The following LRFN2 variants were observed in gnomAD, a reference collection of about 807,000 sequenced individuals.
LRFN2 encodes the protein leucine-rich repeat and fibronectin type-III domain-containing protein 2.
A neutral mutation model predicts 37.3 loss-of-function variants in LRFN2; 18 were observed. The ratio of observed to expected loss-of-function variants is 0.48; its 90% CI spans 0.33 to 0.72. The LOEUF (loss-of-function observed/expected upper bound fraction) is 0.72, where lower values mean the gene tolerates loss of function less well. Ranked by LOEUF, LRFN2 falls within the 30% of genes least tolerant of loss-of-function variation. LRFN2 has a pLI of 0.02. For missense variants in LRFN2, 1,006 were observed against 1,060.7 expected, an observed-to-expected ratio of 0.95 and a Z score of 0.72; for synonymous variants, 556 against 466.6, an observed-to-expected ratio of 1.19 and a Z score of -2.47.
At chr6:40,532,957 C>G (rs1481851979) in intron 1 of LRFN2, among the ~76,000 whole-genome samples, 1 of 152,170 alleles carries the variant, frequency 6.6e-6, no homozygotes, top group Non-Finnish European at 1.5e-5. Context: ...GGTCAAGTAC[C>G]AAGAAGTGAC....
intron 2 of LRFN2, among the ~76,000 whole-genome samples, chr6:40,408,493 A>G (rs771501621): frequency 2.5e-4 from 38 of 152,154 alleles, no homozygotes; most frequent in Non-Finnish European, 4.6e-4. Context: ...ATGTGCCCCA[A>G]TGGATGAAGA....
chr6:40,429,973 CT>C (rs1347486219), intron 2 of LRFN2, among the ~76,000 whole-genome samples: 1 of 152,166 alleles, frequency 6.6e-6, no homozygotes, highest in Non-Finnish European at 1.5e-5. Context: ...CTCTTATTAA[CT>C]TTGGATGGTG....
intron 1 of LRFN2, among the ~76,000 whole-genome samples, chr6:40,495,045 C>T (rs1765193591): frequency 6.6e-6 from 1 of 152,198 alleles, no homozygotes; most frequent in African/African-American, 2.4e-5. Context: ...ATCTAGAGCC[C>T]TCTAGGGAAT....
At chr6:40,577,496 A>T (rs1767309545) in intron 1 of LRFN2, among the ~76,000 whole-genome samples, 2 of 151,378 alleles carry the variant, frequency 1.3e-5, no homozygotes, top group African/African-American at 4.9e-5. Context: ...GGTTAGTTAC[A>T]TACGTATACA....
chr6:40,463,883 G>T lies in LRFN2; in HGVS notation c.-18-30752C>A, dbSNP rs146319500. On this transcript the variant is annotated intron_variant, in intron 1 of 2. Transcript: ENST00000338305. The stretch of plus-strand genomic sequence containing the variant: ...TGTAGAAACAGGGCTTCAACATGTT[G>T]CCCAGGCTGGTCTTGAACTCCTGGG... 2.8e-3 allele frequency among the ~76,000 whole-genome samples: 424 copies of T among 152,002 alleles called. 5 individuals carry two copies. The highest frequency in any genetic ancestry group is 9.4e-3 in the African/African-American group (390 of 41,474).
chr6:40,399,438 CTTTTTTT>C (rs71543989), intron 2 of LRFN2, among the ~76,000 whole-genome samples: 2 of 108,924 alleles, frequency 1.8e-5, no homozygotes, highest in East Asian at 5.0e-4. Flanking sequence ...TTTTTTTTTT[CTTTTTTT>C]TTTTTTTTGA....
At chr6:40,395,751 A>G (rs1762601936) in intron 2 of LRFN2, among the ~76,000 whole-genome samples, 1 of 152,338 alleles carries the variant, frequency 6.6e-6, no homozygotes, top group Middle Eastern at 3.4e-3. Flanking sequence ...ATGGGGAAAC[A>G]GAGGTGCAGA....
At position 40,457,525 on chromosome 6, in the gene LRFN2, C is replaced by A. The variant is rs528651274; in HGVS notation, c.-18-24394G>T. ...CAGTGGCTCACACCTGTAATCCCAG[C>A]ACCTTGAGAGGCTGAGGCAGGAGAA... On this transcript the variant is annotated intron_variant, in intron 1 of 2. Transcript: ENST00000338305. Among the ~76,000 whole-genome samples, 13 of 151,500 alleles carry A rather than the reference C, an allele frequency of 8.6e-5. No individual in the cohort carries two copies. In the East Asian group the frequency reaches 2.1e-3, roughly 25 times the overall value.
chr6:40,515,919 T>C (rs1581768499), intron 1 of LRFN2, among the ~76,000 whole-genome samples: 1 of 144,038 alleles, frequency 6.9e-6, no homozygotes, highest in South Asian at 2.2e-4. Flanking sequence ...AAAAAAGAAG[T>C]CTTCAACCAT....
chr6:40,564,668 T>C lies in LRFN2; in HGVS notation c.-19+22273A>G, dbSNP rs549881851. Among the ~76,000 whole-genome samples, 16 of 152,306 alleles carry C rather than the reference T, an allele frequency of 1.1e-4. No homozygotes were observed. In the East Asian group the frequency reaches 2.9e-3, roughly 28 times the overall value. On this transcript the variant is annotated intron_variant, in intron 1 of 2. Coordinates refer to ENST00000338305, the MANE Select transcript of LRFN2 (RefSeq NM_020737.3). ...CACTCTCACCATCCTCCAATCAGTT[T>C]TCCACAATGTAATTAGAGTGATCTT...
chr6:40,422,619 C>T (rs914810570), intron 2 of LRFN2, among the ~76,000 whole-genome samples: 10 of 152,118 alleles, frequency 6.6e-5, no homozygotes, highest in Admixed American at 5.2e-4. Flanking sequence ...TCTGTGAATA[C>T]GCACACGCCT....
intron 1 of LRFN2, among the ~76,000 whole-genome samples, chr6:40,527,047 T>C (rs771152803): frequency 2.6e-5 from 4 of 152,178 alleles, no homozygotes; most frequent in Non-Finnish European, 4.4e-5. Context: ...GTAACTCCAA[T>C]GTGGCTAAGG....
intron 1 of LRFN2, among the ~76,000 whole-genome samples, chr6:40,542,805 G>C (rs1165686424): frequency 1.3e-5 from 2 of 152,170 alleles, no homozygotes; most frequent in African/African-American, 4.8e-5. Flanking sequence ...CCAGAGGGCT[G>C]GGCTTTCCCA....
chr6:40,549,255 G>GT (rs1169764864), intron 1 of LRFN2, among the ~76,000 whole-genome samples: 5 of 152,080 alleles, frequency 3.3e-5, no homozygotes, highest in African/African-American at 9.7e-5. Flanking sequence ...AAGAGAGGAG[G>GT]TTTTTTCTAA....
intron 1 of LRFN2, among the ~76,000 whole-genome samples, chr6:40,487,933 G>T (rs1039736351): frequency 6.6e-6 from 1 of 152,160 alleles, no homozygotes; most frequent in Non-Finnish European, 1.5e-5. Context: ...CTGGTGTGGG[G>T]TGGAAGCCCC....
chr6:40,429,985 G>A (rs1192536814), intron 2 of LRFN2, among the ~76,000 whole-genome samples: 3 of 151,968 alleles, frequency 2.0e-5, no homozygotes, highest in East Asian at 3.9e-4. Flanking sequence ...TTGGATGGTG[G>A]GATTACAGGT....
intron 1 of LRFN2, among the ~76,000 whole-genome samples, chr6:40,528,330 T>A (rs1294333699): frequency 2.0e-5 from 3 of 152,234 alleles, no homozygotes; most frequent in Non-Finnish European, 2.9e-5. Context: ...ACACTGTAGA[T>A]GCCCATGGGA....
At chr6:40,415,855 A>T (rs1020254483) in intron 2 of LRFN2, among the ~76,000 whole-genome samples, 2 of 152,228 alleles carry the variant, frequency 1.3e-5, no homozygotes, top group African/African-American at 4.8e-5. Flanking sequence ...TTGAATCTGA[A>T]CAAATAGCAC....
rs534686107 is a variant in LRFN2 at position 40,428,793 on chromosome 6, A to G, written c.1400+2921T>C. Among the ~76,000 whole-genome samples, 24 of 152,344 alleles carry G rather than the reference A, an allele frequency of 1.6e-4. No individual in the cohort carries two copies. The South Asian group carries it at 4.8e-3, about 30-fold the overall frequency. On this transcript the variant is annotated intron_variant, in intron 2 of 2. Transcript: ENST00000338305. ...GCAGTAATGTTTGTCAGTGATTGCT[A>G]TTACCATTATCTGGCTACAGACTCA... is the stretch of plus-strand genomic sequence containing the variant.
Sources: gnomAD v4.1 joint callset for allele counts (sites outside exome capture counted in the v4.1 genomes callset) on GRCh38, gnomAD v4.1.1 for gene constraint, MANE v1.5 for transcripts, NCBI Gene and HGNC (gene_info 2026-07-23, HGNC 2026-07-21) for gene names.